Variants in NEK11 observed in about 807,000 individuals in gnomAD.
NEK11 encodes NIMA related kinase 11, also known as serine/threonine-protein kinase Nek11.
Under a neutral mutation model 80.7 loss-of-function variants are expected in NEK11, and 72 were observed. That is an observed-to-expected ratio of 0.89 (90% CI 0.74 to 1.08). NEK11 has a LOEUF of 1.08. Among genes scored for constraint, NEK11 ranks in the 50% least tolerant of loss-of-function variants. The pLI is 0.00. For missense variants in NEK11, 764 were observed against 763.6 expected (o/e 1.00, Z -0.01); for synonymous variants, 251 against 260.7 (o/e 0.96, Z 0.36).
At chr3:131,037,201 A>G (rs1173671590) in intron 3 of NEK11, among the ~76,000 whole-genome samples, 2 of 140,226 alleles carry the variant, frequency 1.4e-5, no homozygotes, top group African/African-American at 5.4e-5. Flanking sequence ...GAGAAATGAC[A>G]GGCATTCTGT....
intron 17 of NEK11, among the ~76,000 whole-genome samples, chr3:131,280,768 C>T (rs1036642930): frequency 2.0e-5 from 3 of 152,134 alleles, no homozygotes; most frequent in African/African-American, 4.8e-5. Flanking sequence ...AATAAATAGC[C>T]GGGATCTTTG....
chr3:131,305,506 A>G (rs543584725), intron 17 of NEK11, among the ~76,000 whole-genome samples: 2 of 152,260 alleles, frequency 1.3e-5, no homozygotes, highest in East Asian at 3.9e-4. Flanking sequence ...CCTAGGTCCA[A>G]CAGTCTCCCT....
intron 17 of NEK11, among the ~76,000 whole-genome samples, chr3:131,340,702 G>T (rs75430161): frequency 0.019 from 2,898 of 152,212 alleles, 45 homozygotes; most frequent in East Asian, 0.087. Context: ...CAGGACTCCT[G>T]TGTCAAGGGA....
rs559021405 is a variant in NEK11 at position 131,051,810 on chromosome 3, C to T, written c.170+21932C>T. On this transcript the variant is annotated intron_variant, in intron 3 of 17. Transcript: ENST00000383366. ...CCTCCAGAGTAGTTATGCCCTGCTT[C>T]TTAAACTCTTAAGACAAATTTGAAT... Among the ~76,000 whole-genome samples the T allele has an allele frequency of 2.0e-5, 3 of 152,270 alleles. No individual in the cohort carries two copies. In the East Asian group the frequency reaches 5.8e-4, roughly 29 times the overall value.
chr3:131,101,423 T>A (rs1456830623), intron 4 of NEK11, among the ~76,000 whole-genome samples: 1 of 152,190 alleles, frequency 6.6e-6, no homozygotes, highest in East Asian at 1.9e-4. Context: ...TTTTGGTATG[T>A]TGTGTCTCTA....
chr3:131,063,467 C>A (rs79214917), intron 3 of NEK11, among the ~76,000 whole-genome samples: 149 of 152,192 alleles, frequency 9.8e-4, no homozygotes, highest in Admixed American at 1.6e-3. Flanking sequence ...TCTTGGAGGG[C>A]AACTGTCCTT....
At chr3:131,052,295 G>A (rs546581431) in intron 3 of NEK11, among the ~76,000 whole-genome samples, 5 of 151,584 alleles carry the variant, frequency 3.3e-5, no homozygotes, top group South Asian at 2.1e-4. Context: ...CTGTTCATGC[G>A]CATTTGAGTT....
chr3:131,096,598 C>T (rs566739968), intron 4 of NEK11, among the ~76,000 whole-genome samples: 39 of 152,248 alleles, frequency 2.6e-4, no homozygotes, highest in South Asian at 8.3e-4. Flanking sequence ...TTTGAGGAAT[C>T]TCTAAACTGC....
intron 14 of NEK11, among the ~76,000 whole-genome samples, chr3:131,183,436 C>T (rs2093456658): frequency 6.6e-6 from 1 of 152,172 alleles, no homozygotes; most frequent in South Asian, 2.1e-4. Context: ...TTCTCTCCCT[C>T]CCCCTGGCCC....
At chr3:131,250,302 A>G (rs2095676074) in intron 16 of NEK11, among the ~76,000 whole-genome samples, 1 of 152,056 alleles carries the variant, frequency 6.6e-6, no homozygotes, top group South Asian at 2.1e-4. Flanking sequence ...AAATATCTAG[A>G]GAGAATCAAA....
chr3:131,156,088 G>A (rs1287491212), intron 10 of NEK11, among the ~76,000 whole-genome samples: 1 of 152,106 alleles, frequency 6.6e-6, no homozygotes, highest in Non-Finnish European at 1.5e-5. Context: ...ATTTTGTACT[G>A]TAGTTATAAA....
chr3:131,128,803 T>G (rs2083834856), intron 5 of NEK11, among the ~76,000 whole-genome samples: 1 of 152,220 alleles, frequency 6.6e-6, no homozygotes, highest in South Asian at 2.1e-4. Context: ...TTACTCCACA[T>G]CCTTGTGAGC....
chr3:131,182,356 A>G (rs1260677248), intron 14 of NEK11, among the ~76,000 whole-genome samples: 1 of 152,232 alleles, frequency 6.6e-6, no homozygotes. Context: ...GAGCAGTATA[A>G]TGAATTTGAC....
intron 17 of NEK11, among the ~76,000 whole-genome samples, chr3:131,301,899 T>C (rs1378121011): frequency 6.6e-6 from 1 of 152,146 alleles, no homozygotes; most frequent in Non-Finnish European, 1.5e-5. Context: ...TCCCTCCTCC[T>C]TAATTTTTTG....
chr3:131,299,050 A>T (rs890512366), intron 17 of NEK11, among the ~76,000 whole-genome samples: 4 of 151,830 alleles, frequency 2.6e-5, no homozygotes, highest in African/African-American at 4.8e-5. Context: ...AGCCCATCAA[A>T]GGCATTCTTT....
intron 15 of NEK11, among the ~76,000 whole-genome samples, chr3:131,230,048 T>C (rs2095299733): frequency 6.6e-6 from 1 of 152,210 alleles, no homozygotes; most frequent in African/African-American, 2.4e-5. Flanking sequence ...TATTGCAGCA[T>C]TACAGAGCCT....
At chr3:131,184,278 A>C (rs987716924) in intron 14 of NEK11, among the ~76,000 whole-genome samples, 1 of 152,210 alleles carries the variant, frequency 6.6e-6, no homozygotes, top group African/African-American at 2.4e-5. Context: ...TGTGGATTAC[A>C]ATCAGTAGCA....
At chr3:131,126,014 A>G (rs2083272227) in intron 5 of NEK11, among the ~76,000 whole-genome samples, 1 of 152,198 alleles carries the variant, frequency 6.6e-6, no homozygotes. Context: ...TTCTAAAGCC[A>G]CAACCCCATT....
intron 17 of NEK11, among the ~76,000 whole-genome samples, chr3:131,274,944 C>T (rs1015328877): frequency 4.0e-5 from 6 of 151,778 alleles, no homozygotes; most frequent in East Asian, 2.0e-4. Flanking sequence ...TGAGCCACCG[C>T]GCCCGGCCGT....
Sources: allele counts gnomAD v4.1 joint callset (sites outside exome capture counted in the v4.1 genomes callset), GRCh38; gene constraint gnomAD v4.1.1; transcripts MANE v1.5; gene names NCBI Gene and HGNC (gene_info 2026-07-23, HGNC 2026-07-21).